CSMD1: variants seen among roughly 807,000 people sequenced by gnomAD.
CSMD1 encodes the protein CUB and sushi domain-containing protein 1.
In CSMD1, 213 loss-of-function variants were observed where a neutral mutation model predicts 417.5. That is an observed-to-expected ratio of 0.51 (90% CI 0.46 to 0.57). CSMD1 has a LOEUF of 0.57. CSMD1 is among the 20% of genes least tolerant of loss of function. The pLI, the probability that CSMD1 is intolerant of heterozygous loss-of-function variation, is 0.00. For synonymous variants in CSMD1, 2,862 were observed against 1,736.8 expected (o/e 1.65, Z -16.11); for missense variants, 6,923 against 4,529.7 (o/e 1.53, Z -15.17).
chr8:3,790,591 G>C (rs890553770), intron 5 of CSMD1, among the ~76,000 whole-genome samples: 1 of 152,002 alleles, frequency 6.6e-6, no homozygotes, highest in African/African-American at 2.4e-5. Flanking sequence ...TATGTTTTTG[G>C]CATACACAAC....
intron 23 of CSMD1, among the ~76,000 whole-genome samples, chr8:3,335,188 G>A (rs752760551): frequency 1.3e-5 from 2 of 152,124 alleles, no homozygotes; most frequent in South Asian, 4.2e-4. Context: ...ACTTGTTAGG[G>A]GTATTGGTGA....
At chr8:3,456,362 C>G (rs1816137383) in intron 12 of CSMD1, among the ~76,000 whole-genome samples, 1 of 152,126 alleles carries the variant, frequency 6.6e-6, no homozygotes, top group Non-Finnish European at 1.5e-5. Context: ...GTTAGAAATG[C>G]AGAAATCACC....
intron 7 of CSMD1, among the ~76,000 whole-genome samples, chr8:3,702,605 C>G (rs943103976): frequency 6.6e-6 from 1 of 152,186 alleles, no homozygotes; most frequent in African/African-American, 2.4e-5. Context: ...CCGAGGCAGG[C>G]AGATCGCCTG....
chr8:4,490,278 G>C (rs996953242), intron 2 of CSMD1, among the ~76,000 whole-genome samples: 3 of 152,162 alleles, frequency 2.0e-5, no homozygotes, highest in South Asian at 4.2e-4. Flanking sequence ...CTGACCTCGT[G>C]ATCCACTCTC....
intron 2 of CSMD1, among the ~76,000 whole-genome samples, chr8:4,456,317 A>T (rs1015596995): frequency 1.3e-5 from 2 of 152,220 alleles, no homozygotes; most frequent in Non-Finnish European, 2.9e-5. Flanking sequence ...AGACAGCAGT[A>T]ATAAAAAAAT....
chr8:4,443,519 T>C (rs1293020523), intron 2 of CSMD1, among the ~76,000 whole-genome samples: 1 of 151,604 alleles, frequency 6.6e-6, no homozygotes, highest in Non-Finnish European at 1.5e-5. Context: ...AACACCAGAA[T>C]ACAGTATAGA....
At chr8:3,161,002 T>C (rs939821234) in intron 38 of CSMD1, among the ~76,000 whole-genome samples, 5 of 152,232 alleles carry the variant, frequency 3.3e-5, no homozygotes, top group Admixed American at 3.3e-4. Context: ...AGAACATAGC[T>C]AAACAATTTT....
At chr8:3,735,608 C>T (rs1175397191) in intron 6 of CSMD1, among the ~76,000 whole-genome samples, 1 of 152,210 alleles carries the variant, frequency 6.6e-6, no homozygotes, top group African/African-American at 2.4e-5. Flanking sequence ...ACTCATTTAA[C>T]TCTCTCCACA....
intron 7 of CSMD1, among the ~76,000 whole-genome samples, chr8:3,693,773 T>A (rs2624064): frequency 3.9e-5 from 6 of 151,998 alleles, no homozygotes; most frequent in Admixed American, 6.6e-5. Context: ...TTTGTGTGTA[T>A]TGAATATAGA....
At chr8:3,697,121 G>T (rs1800596744) in intron 7 of CSMD1, among the ~76,000 whole-genome samples, 5 of 152,108 alleles carry the variant, frequency 3.3e-5, no homozygotes, top group Admixed American at 3.3e-4. Context: ...TCAATAATCA[G>T]CATAATCATC....
At chr8:4,370,870 T>G (rs2128912763) in intron 3 of CSMD1, among the ~76,000 whole-genome samples, 1 of 152,310 alleles carries the variant, frequency 6.6e-6, no homozygotes. Context: ...AACCTCCTCT[T>G]GTATCTTGAT....
intron 1 of CSMD1, among the ~76,000 whole-genome samples, chr8:4,911,977 T>C (rs1399460693): frequency 6.6e-6 from 1 of 151,928 alleles, no homozygotes; most frequent in Non-Finnish European, 1.5e-5. Context: ...GTTTAATAAT[T>C]TCTCCACAAG....
chr8:4,764,901 CAACA>C (rs1812355178), intron 1 of CSMD1, among the ~76,000 whole-genome samples: 116 of 13,048 alleles, frequency 8.9e-3, no homozygotes, highest in African/African-American at 0.027. Flanking sequence ...AAAACAACAA[CAACA>C]AAAAAAAACC....
chr8:4,491,932 G>A (rs1438390150), intron 2 of CSMD1, among the ~76,000 whole-genome samples: 5 of 151,746 alleles, frequency 3.3e-5, no homozygotes, highest in Non-Finnish European at 7.4e-5. Flanking sequence ...ATTTATAGCA[G>A]CTTTATTCAT....
intron 12 of CSMD1, among the ~76,000 whole-genome samples, chr8:3,433,909 A>G (rs751971813): frequency 8.5e-5 from 13 of 152,172 alleles, no homozygotes; most frequent in Admixed American, 6.5e-5. Context: ...AGTTCCCTGG[A>G]CTAAGGTGCT....
chr8:2,951,051 G>C, intron 66 of CSMD1, 63 bp downstream of exon 66: 2 of 1,524,350 alleles, frequency 1.3e-6, no homozygotes, highest in Non-Finnish European at 1.8e-6. Context: ...TCACCTCTCT[G>C]TGAAAAGATA....
intron 5 of CSMD1, among the ~76,000 whole-genome samples, chr8:3,846,107 T>C (rs981161418): frequency 5.3e-5 from 8 of 152,234 alleles, no homozygotes; most frequent in African/African-American, 1.4e-4. Context: ...ATAAAAAGTA[T>C]AGTAATTATA....
chr8:4,994,516 G>T lies in CSMD1; in HGVS notation c.-100C>A, dbSNP rs1811654331. The T allele has an allele frequency of 4.5e-6, 5 of 1,114,614 alleles. No homozygotes were observed. The Admixed American group carries it at 1.0e-4, about 22-fold the overall frequency. The allele number at this position is 1,114,614 out of a possible 1,614,324, so 69.0% of individuals were successfully genotyped here. A position where few individuals can be genotyped will look rare whatever the true frequency, so the allele number is the denominator to read the frequency against. On this transcript the variant is annotated 5_prime_UTR_variant, in exon 1 of 70. Transcript: ENST00000635120. Reference sequence around the variant, plus strand: ...AATCACCCGAGGGCAAGGCGAGCCGGAGAGAGAGCCCGGTCCCAAGACCCG... The same window carrying T: ...AATCACCCGAGGGCAAGGCGAGCCGTAGAGAGAGCCCGGTCCCAAGACCCG...
rs990075285 is a variant in CSMD1, at chr8:3,983,924, G to A, written c.818+13979C>T. Among the ~76,000 whole-genome samples the A allele has an allele frequency of 3.9e-5, 6 of 152,332 alleles. No homozygotes were observed. In the South Asian group the frequency reaches 1.0e-3, roughly 26 times the overall value. ...TCTAGAGCACACCGCACATCTGACAGGGCTGTCAATTGCAACTCTAGAGCA... is the reference window on the plus strand; with the variant it reads ...TCTAGAGCACACCGCACATCTGACAAGGCTGTCAATTGCAACTCTAGAGCA... On this transcript the variant is annotated intron_variant, in intron 5 of 69. Transcript: ENST00000635120.
Sources: allele counts gnomAD v4.1 joint callset (sites outside exome capture counted in the v4.1 genomes callset), GRCh38; gene constraint gnomAD v4.1.1; transcripts MANE v1.5; gene names NCBI Gene and HGNC (gene_info 2026-07-23, HGNC 2026-07-21).